The following ABCC1 variants were observed in gnomAD, a reference collection of about 807,000 sequenced individuals.
ABCC1 encodes multidrug resistance-associated protein 1.
ABCC1 carries 83 observed loss-of-function variants against 172.9 expected under a neutral mutation model. The observed-to-expected ratio is 0.48, with a 90% confidence interval of 0.40 to 0.58. The LOEUF is 0.58. Ranked by LOEUF, ABCC1 falls within the 20% of genes least tolerant of loss-of-function variation. ABCC1 has a pLI of 0.00. For synonymous variants in ABCC1, 937 were observed against 825.2 expected (o/e 1.14, Z -2.32); for missense variants, 1,817 against 2,002.7 (o/e 0.91, Z 1.77).
intron 1 of ABCC1, among the ~76,000 whole-genome samples, chr16:16,006,939 T>G (rs1385352689): frequency 2.7e-5 from 4 of 148,624 alleles, no homozygotes; most frequent in Non-Finnish European, 4.5e-5. Context: ...GGTGATGGTG[T>G]TGGCAGTGAT....
intron 23 of ABCC1, 94 bp from the exon 24 acceptor site, chr16:16,121,881 C>T (rs1048991007): frequency 3.1e-5 from 43 of 1,371,484 alleles, no homozygotes; most frequent in South Asian, 1.0e-4. Context: ...CTGGAGGTAT[C>T]GGTTACGTCT....
At chr16:16,014,211 C>T (rs1464996818) in intron 3 of ABCC1, among the ~76,000 whole-genome samples, 1 of 152,118 alleles carries the variant, frequency 6.6e-6, no homozygotes, top group East Asian at 1.9e-4. Flanking sequence ...CTTGGGAGGC[C>T]AAGGCAAGTG....
At chr16:15,997,114 C>T (rs1191132130) in intron 1 of ABCC1, among the ~76,000 whole-genome samples, 8 of 132,290 alleles carry the variant, frequency 6.0e-5, no homozygotes, top group African/African-American at 2.0e-4. Context: ...TTTTTTGAGA[C>T]GGAGTCTCGC....
intron 1 of ABCC1, among the ~76,000 whole-genome samples, chr16:15,984,005 A>G (rs369048570): frequency 6.6e-6 from 1 of 152,184 alleles, no homozygotes; most frequent in Non-Finnish European, 1.5e-5. Flanking sequence ...CTTATGAGCC[A>G]TTAAGCAAAG....
At chr16:16,063,138 A>AT (rs2049982485) in intron 12 of ABCC1, among the ~76,000 whole-genome samples, 1 of 152,058 alleles carries the variant, frequency 6.6e-6, no homozygotes, top group Admixed American at 6.6e-5. Flanking sequence ...ACGGAGTCTC[A>AT]TTCTGCCGCC....
chr16:15,990,622 C>G (rs1007874714), intron 1 of ABCC1, among the ~76,000 whole-genome samples: 1 of 151,910 alleles, frequency 6.6e-6, no homozygotes, highest in Non-Finnish European at 1.5e-5. Context: ...GTTCTCCAGG[C>G]GCATCCATGT....
At chr16:15,987,749 G>A (rs539781505) in intron 1 of ABCC1, among the ~76,000 whole-genome samples, 5 of 152,286 alleles carry the variant, frequency 3.3e-5, no homozygotes, top group Admixed American at 6.5e-5. Flanking sequence ...TGTGCGTCCC[G>A]CACTGACTGT....
chr16:16,132,224 C>G (rs988983173), intron 27 of ABCC1, among the ~76,000 whole-genome samples: 1 of 152,094 alleles, frequency 6.6e-6, no homozygotes, highest in African/African-American at 2.4e-5. Context: ...GGGTCTTGCT[C>G]TGTTACCCAG....
chr16:16,115,091 C>T lies in ABCC1; in HGVS notation c.3390+15C>T. The T allele has an allele frequency of 1.9e-6, 3 of 1,611,024 alleles. No homozygotes were observed. Among genetic ancestry groups the T allele is most frequent in the Non-Finnish European group, 2.5e-6 (3 of 1,177,580 alleles). On this transcript the variant is annotated intron_variant, in intron 23 of 30. Coordinates refer to ENST00000399410, the MANE Select transcript of ABCC1 (RefSeq NM_004996.4). The stretch of plus-strand genomic sequence containing the variant: ...TCTTCGTCCAGGTAAGGGGTGAGGT[C>T]TTAGTGTTCGGGACAAGCCCTACTG...
chr16:16,001,340 G>A (rs539118038), intron 1 of ABCC1, among the ~76,000 whole-genome samples: 2 of 152,236 alleles, frequency 1.3e-5, no homozygotes, highest in African/African-American at 4.8e-5. Context: ...GCCTCTCCAA[G>A]TAGCTGGGAC....
At chr16:15,999,806 T>TCTCTCTCTCTCTCTCCCC (rs2047203384) in intron 1 of ABCC1, among the ~76,000 whole-genome samples, 1 of 28,814 alleles carries the variant, frequency 3.5e-5, no homozygotes, top group African/African-American at 9.3e-5. Flanking sequence ...TCTCTCTCTC[T>TCTCTCTCTCTCTCTCCCC]CTCCTCTCTC....
rs777927981 is a variant in ABCC1, at chr16:16,086,913, C to A, written c.2382C>A (p.Pro794=). The A allele has an allele frequency of 1.2e-6, 2 of 1,614,198 alleles. No individual in the cohort carries two copies. Among genetic ancestry groups the A allele is most frequent in the African/African-American group, 2.7e-5 (2 of 75,058 alleles). ...SNADIYLFDD[P]LSAVDAHVGK... ...CTGACATTTACCTCTTCGATGATCC[C>A]CTCTCAGCAGTGGATGCCCATGTGG... is the stretch of plus-strand genomic sequence containing the variant. Residue 794 remains proline (P), a synonymous_variant, in exon 18 of 31, where the codon CCC becomes CCA. Coordinates refer to ENST00000399410, the MANE Select transcript of ABCC1 (RefSeq NM_004996.4).
intron 2 of ABCC1, 31 bp downstream of exon 2, chr16:16,008,023 GT>G: frequency 1.8e-6 from 1 of 545,374 alleles, no homozygotes; most frequent in Non-Finnish European, 3.2e-6. Context: ...GTTGTGGGGG[GT>G]GGGAAGGTGC....
intron 19 of ABCC1, among the ~76,000 whole-genome samples, chr16:16,096,686 C>A (rs2051495087): frequency 6.6e-6 from 1 of 152,172 alleles, no homozygotes; most frequent in Non-Finnish European, 1.5e-5. Context: ...GGGAGGCTGG[C>A]CTGCTGGACC....
chr16:16,113,688 G>A (rs934803584), intron 22 of ABCC1, among the ~76,000 whole-genome samples: 1 of 152,060 alleles, frequency 6.6e-6, no homozygotes, highest in Admixed American at 6.6e-5. Context: ...AGATTTATTC[G>A]ATTAGACTAG....
chr16:16,032,545 G>A (rs931493292), intron 5 of ABCC1, among the ~76,000 whole-genome samples: 2 of 152,200 alleles, frequency 1.3e-5, no homozygotes, highest in African/African-American at 4.8e-5. Flanking sequence ...AATGAATGAA[G>A]TGGAGATAAT....
chr16:16,136,520 C>T lies in ABCC1; in HGVS notation c.4168C>T (p.Pro1390Ser). ...FSGSLRMNLDPFSQYSDEEVW... is the reference protein window; with the variant it reads ...FSGSLRMNLDSFSQYSDEEVW... ...GGGTTCCCTCCGAATGAACCTGGAC[C>T]CATTCAGCCAGTACTCGGATGAAGA... The change falls in exon 29 of 31, where the codon CCA becomes TCA. Residue 1390 changes from proline (P) to serine (S), a missense_variant. By Grantham distance (74) the Pro-to-Ser change is moderately conservative. Coordinates refer to ENST00000399410, the MANE Select transcript of ABCC1 (RefSeq NM_004996.4). The T allele has an allele frequency of 1.2e-6, 2 of 1,614,184 alleles. No homozygotes were observed. The highest frequency in any genetic ancestry group is 1.7e-6 in the Non-Finnish European group (2 of 1,180,030).
intron 1 of ABCC1, among the ~76,000 whole-genome samples, chr16:15,969,532 C>G (rs1047628475): frequency 6.6e-6 from 1 of 152,144 alleles, no homozygotes; most frequent in Admixed American, 6.5e-5. Flanking sequence ...GCCACCACGC[C>G]CGGCTACTTT....
At chr16:16,020,156 A>G (rs1252858568) in intron 5 of ABCC1, among the ~76,000 whole-genome samples, 1 of 152,106 alleles carries the variant, frequency 6.6e-6, no homozygotes, top group East Asian at 1.9e-4. Flanking sequence ...TCCTGACTTC[A>G]AGTGATCCGC....
Sources: allele counts gnomAD v4.1 joint callset (sites outside exome capture counted in the v4.1 genomes callset), GRCh38; gene constraint gnomAD v4.1.1; transcripts MANE v1.5; gene names NCBI Gene and HGNC (gene_info 2026-07-23, HGNC 2026-07-21).